The following GRIK4 variants were observed in gnomAD, a reference collection of about 807,000 sequenced individuals.
GRIK4 encodes glutamate receptor ionotropic, kainate 4.
GRIK4 carries 40 observed loss-of-function variants against 104.9 expected under a neutral mutation model. The observed-to-expected ratio is 0.38, with a 90% CI of 0.30 to 0.50. The LOEUF (loss-of-function observed/expected upper bound fraction) is 0.50. Among genes scored for constraint, GRIK4 ranks in the 20% least tolerant of loss-of-function variants. The pLI, the probability that GRIK4 is intolerant of heterozygous loss-of-function variation, is 0.93. For synonymous variants in GRIK4, 485 were observed against 524.9 expected (o/e 0.92, Z 1.04); for missense variants, 1,047 against 1,308.1 (o/e 0.80, Z 3.08).
chr11:120,648,076 C>G (rs1949566686), intron 1 of GRIK4, among the ~76,000 whole-genome samples: 1 of 152,224 alleles, frequency 6.6e-6, no homozygotes, highest in African/African-American at 2.4e-5. Context: ...TCACCAAGGT[C>G]CCATCCTTGT....
chr11:120,549,551 A>G lies in GRIK4; in HGVS notation c.-159+37664A>G, dbSNP rs1948119501. 6.6e-6 allele frequency among the ~76,000 whole-genome samples: 1 copy of G among 152,208 alleles called. No individual in the cohort carries two copies. The highest frequency in any genetic ancestry group is 6.5e-5 in the Admixed American group (1 of 15,288). On this transcript the variant is annotated intron_variant, in intron 1 of 20. Coordinates refer to ENST00000527524, the MANE Select transcript of GRIK4 (RefSeq NM_014619.5). This position sits in a 1 kb window ranked among gnomAD's most constrained non-coding sequence, Gnocchi z 4.7. Reference sequence around the variant, plus strand: ...GCAGGCCCCTTTCCTGTAAGAGGTGAGGGCAGAGACAGGATAGGGAGGGGC... The same window carrying G: ...GCAGGCCCCTTTCCTGTAAGAGGTGGGGGCAGAGACAGGATAGGGAGGGGC...
intron 19 of GRIK4, among the ~76,000 whole-genome samples, chr11:120,972,158 C>G (rs183707902): frequency 6.6e-6 from 1 of 152,234 alleles, no homozygotes; most frequent in Non-Finnish European, 1.5e-5. Context: ...AGGAAGATGC[C>G]CCATCATCAT....
chr11:120,577,148 A>G (rs1385655451), intron 1 of GRIK4, among the ~76,000 whole-genome samples: 2 of 152,224 alleles, frequency 1.3e-5, no homozygotes, highest in Admixed American at 1.3e-4. Flanking sequence ...GTCATATGGC[A>G]TGTTTCTTTC....
intron 3 of GRIK4, among the ~76,000 whole-genome samples, chr11:120,727,643 C>T (rs1291020841): frequency 6.6e-6 from 1 of 151,998 alleles, no homozygotes; most frequent in Non-Finnish European, 1.5e-5. Flanking sequence ...CTATGGCACA[C>T]TGTTTCACGA....
At chr11:120,561,199 T>C (rs1351816776) in intron 1 of GRIK4, among the ~76,000 whole-genome samples, 1 of 107,622 alleles carries the variant, frequency 9.3e-6, no homozygotes, top group African/African-American at 4.6e-5. Flanking sequence ...GACTGGGAGG[T>C]GGGGCAGGAG....
intron 3 of GRIK4, among the ~76,000 whole-genome samples, chr11:120,669,153 G>A (rs904811015): frequency 1.3e-5 from 2 of 152,082 alleles, no homozygotes; most frequent in Admixed American, 6.6e-5. Context: ...CAAAGCGTGG[G>A]TGTGTGTGTG....
At chr11:120,897,633 C>CATCTCATATT (rs1278664598) in intron 11 of GRIK4, among the ~76,000 whole-genome samples, 1 of 35,848 alleles carries the variant, frequency 2.8e-5, no homozygotes, top group Non-Finnish European at 7.6e-5. Flanking sequence ...AAAAAGAGTA[C>CATCTCATATT]ATCTCATATT....
intron 1 of GRIK4, among the ~76,000 whole-genome samples, chr11:120,601,550 G>A (rs1277826224): frequency 6.6e-6 from 1 of 151,912 alleles, no homozygotes; most frequent in Non-Finnish European, 1.5e-5. Flanking sequence ...GGTGTGGGGG[G>A]GCGCAAAATT....
chr11:120,799,093 A>G (rs1462002062), intron 3 of GRIK4, among the ~76,000 whole-genome samples: 1 of 152,232 alleles, frequency 6.6e-6, no homozygotes, highest in Non-Finnish European at 1.5e-5. Flanking sequence ...TGACTCTGAA[A>G]CATGAACAAC....
intron 1 of GRIK4, among the ~76,000 whole-genome samples, chr11:120,570,620 A>G (rs2135071693): frequency 6.6e-6 from 1 of 152,008 alleles, no homozygotes; most frequent in South Asian, 2.1e-4. Flanking sequence ...ACACCTGGCT[A>G]TTTTTTTGTT....
chr11:120,951,931 C>T (rs1194503764), intron 14 of GRIK4, among the ~76,000 whole-genome samples: 1 of 152,244 alleles, frequency 6.6e-6, no homozygotes, highest in Non-Finnish European at 1.5e-5. Flanking sequence ...GGGCCGTATG[C>T]ATCCATAAGC....
intron 19 of GRIK4, among the ~76,000 whole-genome samples, chr11:120,977,368 C>T (rs1006908790): frequency 1.8e-4 from 28 of 152,190 alleles, no homozygotes; most frequent in African/African-American, 6.5e-4. Context: ...CTGTGAGTGC[C>T]GCGTGGGCCT....
chr11:120,663,290 C>T (rs554102928), intron 3 of GRIK4, among the ~76,000 whole-genome samples: 1 of 152,276 alleles, frequency 6.6e-6, no homozygotes, highest in South Asian at 2.1e-4. Flanking sequence ...GTTATCTAAC[C>T]TGCTCATCTT....
At chr11:120,531,351 T>C (rs1039351028) in intron 1 of GRIK4, among the ~76,000 whole-genome samples, 2 of 152,222 alleles carry the variant, frequency 1.3e-5, no homozygotes, top group East Asian at 3.8e-4. Flanking sequence ...CCTCCTTTCA[T>C]GTCGTCTGCC....
chr11:120,880,430 G>T (rs1954934815), intron 11 of GRIK4, among the ~76,000 whole-genome samples: 1 of 152,210 alleles, frequency 6.6e-6, no homozygotes, highest in Non-Finnish European at 1.5e-5. Context: ...GAGAGAAGAA[G>T]TCATGTATCT....
intron 8 of GRIK4, among the ~76,000 whole-genome samples, chr11:120,844,521 A>G (rs543807558): frequency 1.3e-5 from 2 of 152,300 alleles, no homozygotes; most frequent in East Asian, 3.9e-4. Context: ...AGCATTCCAT[A>G]ACATCTGGAG....
chr11:120,816,793 A>G (rs1161890035), intron 5 of GRIK4, among the ~76,000 whole-genome samples: 3 of 152,142 alleles, frequency 2.0e-5, no homozygotes, highest in Non-Finnish European at 2.9e-5. Flanking sequence ...CTGCTCCTCC[A>G]GTAGCTGGGC....
At chr11:120,974,861 T>A (rs559566365) in intron 19 of GRIK4, among the ~76,000 whole-genome samples, 1 of 152,258 alleles carries the variant, frequency 6.6e-6, no homozygotes, top group African/African-American at 2.4e-5. Flanking sequence ...TTTCATTTTC[T>A]TCTGCCTTTT....
intron 3 of GRIK4, among the ~76,000 whole-genome samples, chr11:120,798,538 A>T (rs1952565447): frequency 6.6e-6 from 1 of 152,034 alleles, no homozygotes; most frequent in Admixed American, 6.6e-5. Context: ...ATGCGGTGGC[A>T]TGATCCTGTT....
Sources: gnomAD v4.1 joint callset for allele counts (sites outside exome capture counted in the v4.1 genomes callset) on GRCh38, gnomAD v4.1.1 for gene constraint, Gnocchi (gnomAD v3.1) non-coding constraint, MANE v1.5 for transcripts, NCBI Gene and HGNC (gene_info 2026-07-23, HGNC 2026-07-21) for gene names.